The following THADA variants were observed in gnomAD, a reference collection of about 807,000 sequenced individuals.
The protein encoded by THADA is THADA armadillo repeat containing.
Under a neutral mutation model 219.8 loss-of-function variants are expected in THADA, and 213 were observed. The ratio of observed to expected loss-of-function variants is 0.97; its 90% CI spans 0.87 to 1.09. The LOEUF is 1.09. Ranked by LOEUF, THADA falls within the 50% of genes least tolerant of loss-of-function variation. THADA has a pLI of 0.00. For missense variants in THADA, 2,956 were observed against 2,311.3 expected, an observed-to-expected ratio of 1.28 and a Z score of -5.72; for synonymous variants, 1,018 against 828.9, an observed-to-expected ratio of 1.23 and a Z score of -3.92.
At chr2:43,414,520 A>G (rs1320233006) in intron 28 of THADA, among the ~76,000 whole-genome samples, 2 of 152,164 alleles carry the variant, frequency 1.3e-5, no homozygotes, top group East Asian at 1.9e-4. Context: ...GCATTTGTCT[A>G]TTTCCTTCCA....
chr2:43,315,148 G>A (rs1187889363), intron 31 of THADA, among the ~76,000 whole-genome samples: 4 of 152,146 alleles, frequency 2.6e-5, no homozygotes, highest in Non-Finnish European at 5.9e-5. Flanking sequence ...CCCTGAAATT[G>A]TTATTACTTC....
At chr2:43,333,315 C>A (rs929800633) in intron 30 of THADA, 3 of 152,090 alleles carry the variant, frequency 2.0e-5, no homozygotes, top group Non-Finnish European at 4.4e-5. Context: ...AATATACCAA[C>A]TTCATTTCTC....
chr2:43,436,784 T>C (rs1189827576), intron 26 of THADA, among the ~76,000 whole-genome samples: 4 of 152,218 alleles, frequency 2.6e-5, no homozygotes, highest in East Asian at 1.9e-4. Context: ...TCAACTGACG[T>C]AGGGATCTCC....
At chr2:43,538,140 G>C (rs964296493) in intron 21 of THADA, among the ~76,000 whole-genome samples, 10 of 152,108 alleles carry the variant, frequency 6.6e-5, no homozygotes, top group African/African-American at 1.9e-4. Context: ...TCCAGGTGGA[G>C]GAAGCTGTTT....
chr2:43,421,916 A>G (rs1677768084), intron 28 of THADA, among the ~76,000 whole-genome samples: 1 of 152,198 alleles, frequency 6.6e-6, no homozygotes, highest in Non-Finnish European at 1.5e-5. Context: ...AGATCGAAGG[A>G]CCCATAAACA....
At chr2:43,593,888 C>T (rs1701856861) in intron 1 of THADA, among the ~76,000 whole-genome samples, 1 of 152,106 alleles carries the variant, frequency 6.6e-6, no homozygotes, top group East Asian at 1.9e-4. Flanking sequence ...CCACCTCGGC[C>T]CCCCAAAGTG....
chr2:43,360,855 G>C (rs1025913517), intron 29 of THADA, among the ~76,000 whole-genome samples: 14 of 152,148 alleles, frequency 9.2e-5, no homozygotes, highest in Non-Finnish European at 1.8e-4. Flanking sequence ...TGGGACAACA[G>C]GATATTTCTC....
chr2:43,549,672 A>G (rs1696522453), intron 19 of THADA, among the ~76,000 whole-genome samples: 1 of 152,224 alleles, frequency 6.6e-6, no homozygotes, highest in South Asian at 2.1e-4. Flanking sequence ...AAATATCTCA[A>G]ATATGGTGCT....
chr2:43,504,838 C>T (rs906844758), intron 24 of THADA, among the ~76,000 whole-genome samples: 1 of 152,108 alleles, frequency 6.6e-6, no homozygotes, highest in Admixed American at 6.5e-5. Context: ...GAGCCACGAT[C>T]GCACCACTGC....
intron 36 of THADA, among the ~76,000 whole-genome samples, chr2:43,248,164 TAGAGAGAG>T (rs70963389): frequency 0.014 from 572 of 40,430 alleles, 10 homozygotes; most frequent in Middle Eastern, 0.038. Context: ...TATATATATA[TAGAGAGAG>T]AGAGAGAGAG....
At chr2:43,543,338 T>A (rs1157024311) in intron 20 of THADA, among the ~76,000 whole-genome samples, 1 of 148,328 alleles carries the variant, frequency 6.7e-6, no homozygotes, top group South Asian at 2.2e-4. Flanking sequence ...TAAACATACA[T>A]GTGCATGTGT....
chr2:43,288,674 T>C (rs1031103018), intron 34 of THADA, among the ~76,000 whole-genome samples: 13 of 152,142 alleles, frequency 8.5e-5, no homozygotes, highest in African/African-American at 2.7e-4. Context: ...TCTCTGAACT[T>C]TTCATTCTTC....
At chr2:43,470,877 C>G (rs1262520168) in intron 26 of THADA, among the ~76,000 whole-genome samples, 1 of 152,018 alleles carries the variant, frequency 6.6e-6, no homozygotes, top group African/African-American at 2.4e-5. Flanking sequence ...GAACTGGTAG[C>G]AAGGAAGAGA....
chr2:43,236,396 C>T (rs1572713232), intron 36 of THADA, among the ~76,000 whole-genome samples: 1 of 152,200 alleles, frequency 6.6e-6, no homozygotes, highest in South Asian at 2.1e-4. Context: ...TAAGACAGCT[C>T]AGCCAGAACT....
chr2:43,417,458 T>G (rs1558727684), intron 28 of THADA, among the ~76,000 whole-genome samples: 1 of 152,180 alleles, frequency 6.6e-6, no homozygotes, highest in Non-Finnish European at 1.5e-5. Context: ...ATCTCAAAAC[T>G]TCAGTTGAGC....
rs1368214180 is a variant in THADA, at chr2:43,574,375, T to C, written c.1690A>G (p.Met564Val). ...ATAGAAGTCTGAAGAATCTTTACCA[T>C]GTACTGTAAGCTTTCAGGGCTGTAA... ...LSYSPESLQY[M>V]VKILQTSIDA... The change falls in exon 11 of 38, where the codon ATG becomes GTG. Residue 564 changes from methionine to valine, a missense_variant. Coordinates refer to ENST00000405975, the MANE Select transcript of THADA (RefSeq NM_022065.5). The C allele has an allele frequency of 4.4e-6, 7 of 1,603,830 alleles. No homozygotes were observed. The Admixed American group carries it at 8.7e-5, about 20-fold the overall frequency.
intron 28 of THADA, among the ~76,000 whole-genome samples, chr2:43,407,782 T>C (rs989873616): frequency 6.6e-6 from 1 of 151,982 alleles, no homozygotes; most frequent in Non-Finnish European, 1.5e-5. Context: ...TTTTTAGTAC[T>C]TAGATAAACC....
intron 28 of THADA, among the ~76,000 whole-genome samples, chr2:43,424,373 C>T (rs1407968709): frequency 6.6e-6 from 1 of 152,082 alleles, no homozygotes; most frequent in Non-Finnish European, 1.5e-5. Flanking sequence ...TTTCTTTGGC[C>T]AAACTCATAG....
chr2:43,421,545 T>A (rs1328435336), intron 28 of THADA, among the ~76,000 whole-genome samples: 3 of 152,218 alleles, frequency 2.0e-5, no homozygotes, highest in Non-Finnish European at 4.4e-5. Context: ...TTCAAGATAC[T>A]TTGGGAAATT....
Sources: allele counts gnomAD v4.1 joint callset (sites outside exome capture counted in the v4.1 genomes callset), GRCh38; gene constraint gnomAD v4.1.1; transcripts MANE v1.5; gene names NCBI Gene and HGNC (gene_info 2026-07-23, HGNC 2026-07-21).